ZNF710: variants seen among roughly 807,000 people sequenced by gnomAD.
ZNF710 encodes zinc finger protein 710.
In ZNF710, 13 loss-of-function variants were observed where a neutral mutation model predicts 50.6. The ratio of observed to expected loss-of-function variants is 0.26; its 90% CI spans 0.17 to 0.41. The LOEUF (loss-of-function observed/expected upper bound fraction) is 0.41. Among genes scored for constraint, ZNF710 ranks in the 10% least tolerant of loss-of-function variants. ZNF710 has a pLI of 1.00. For synonymous variants in ZNF710, 383 were observed against 397.0 expected, an observed-to-expected ratio of 0.96 and a Z score of 0.42; for missense variants, 721 against 936.6, an observed-to-expected ratio of 0.77 and a Z score of 3.01.
At chr15:90,038,914 T>C (rs894499749) in intron 1 of ZNF710, among the ~76,000 whole-genome samples, 2 of 152,196 alleles carry the variant, frequency 1.3e-5, no homozygotes, top group African/African-American at 4.8e-5. Flanking sequence ...TCTGTCCCTG[T>C]GTGTGTTGTG....
chr15:90,067,361 C>A lies in ZNF710; in HGVS notation c.224C>A (p.Ala75Asp). The A allele has an allele frequency of 6.3e-7, 1 of 1,598,668 alleles. No homozygotes were observed. Reference sequence around the variant, plus strand: ...TACCAGCTGGCCTGCAACGGGAGGGCCTTGGAGGAGCCGGCGGAGGAGGAG... The same window carrying A: ...TACCAGCTGGCCTGCAACGGGAGGGACTTGGAGGAGCCGGCGGAGGAGGAG... ...DVYQLACNGRALEEPAEEEVL... is the reference protein window; with the variant it reads ...DVYQLACNGRDLEEPAEEEVL... Residue 75 changes from alanine to aspartate, a missense_variant, in exon 2 of 5, where the codon GCC becomes GAC. Around this residue, in one of 3 missense-constraint regions of ZNF710, gnomAD observed 326 missense variants for 347.1 expected, o/e 0.94. Coordinates refer to ENST00000268154, the MANE Select transcript of ZNF710 (RefSeq NM_198526.4). This position sits in a 1 kb window ranked among gnomAD's most constrained non-coding sequence, Gnocchi z 8.1.
chr15:90,044,389 G>C (rs796381663), intron 1 of ZNF710, among the ~76,000 whole-genome samples: 39 of 152,358 alleles, frequency 2.6e-4, no homozygotes, highest in African/African-American at 9.4e-4. Context: ...CCAAGGCGGG[G>C]CTAGGTGGCG....
chr15:90,000,603 G>C (rs1305552661), upstream of ZNF710, among the ~76,000 whole-genome samples: 1 of 152,214 alleles, frequency 6.6e-6, no homozygotes, highest in Non-Finnish European at 1.5e-5. Context: ...GAGTCAGGCC[G>C]TCCAGGGCTC....
chr15:90,067,473 G>C lies in ZNF710; in HGVS notation c.336G>C (p.Glu112Asp). 2 of 1,613,080 alleles carry C rather than the reference G, an allele frequency of 1.2e-6. No homozygotes were observed. The highest frequency in any genetic ancestry group is 1.7e-6 in the Non-Finnish European group (2 of 1,179,536). ...PVRLVPKVKF[E>D]KVEEEEQEVY... The stretch of plus-strand genomic sequence containing the variant: ...GGTTGGTGCCCAAGGTCAAGTTCGA[G>C]AAGGTGGAGGAGGAGGAACAGGAGG... The change falls in exon 2 of 5, where the codon GAG becomes GAC. Residue 112 changes from glutamate (E) to aspartate (D), a missense_variant. By Grantham distance (45) the Glu-to-Asp change is conservative (BLOSUM62 2). Around this residue, in one of 3 missense-constraint regions of ZNF710, gnomAD observed 326 missense variants for 347.1 expected, o/e 0.94. Coordinates refer to ENST00000268154, the MANE Select transcript of ZNF710 (RefSeq NM_198526.4). The surrounding 1 kb of genome is among the most constrained non-coding windows in gnomAD (Gnocchi z 8.1).
chr15:90,058,574 C>T (rs1327750528), intron 1 of ZNF710, among the ~76,000 whole-genome samples: 3 of 152,032 alleles, frequency 2.0e-5, no homozygotes, highest in Non-Finnish European at 4.4e-5. Flanking sequence ...TGCTGGGCCC[C>T]CTCTGTTCCT....
intron 1 of ZNF710, among the ~76,000 whole-genome samples, chr15:90,019,527 T>G (rs1315695924): frequency 6.6e-6 from 1 of 152,214 alleles, no homozygotes; most frequent in Non-Finnish European, 1.5e-5. Context: ...ATATTTGGAT[T>G]CTGTTTAGCC....
intron 1 of ZNF710, among the ~76,000 whole-genome samples, chr15:90,006,337 G>T (rs1898140460): frequency 6.6e-6 from 1 of 151,988 alleles, no homozygotes; most frequent in Non-Finnish European, 1.5e-5. Context: ...GTCCTTTTTG[G>T]CCTTGATACC....
intron 1 of ZNF710, among the ~76,000 whole-genome samples, chr15:90,039,790 G>C (rs1339818895): frequency 6.6e-6 from 1 of 152,110 alleles, no homozygotes; most frequent in Non-Finnish European, 1.5e-5. Context: ...ATCTGCCGTG[G>C]TCTGGGAAAC....
intron 1 of ZNF710, among the ~76,000 whole-genome samples, chr15:90,048,521 G>T (rs912904530): frequency 2.0e-5 from 3 of 152,202 alleles, no homozygotes; most frequent in Non-Finnish European, 4.4e-5. Context: ...TGGTTTCAGG[G>T]GTCGGGGCCA....
In ZNF710 at chr15:90,067,513, G is replaced by A. The variant is rs749482128; in HGVS notation, c.376G>A (p.Val126Met). The change falls in exon 2 of 5, where the codon GTG becomes ATG. Residue 126 changes from valine to methionine, a missense_variant. Physicochemically the swap from Val to Met is conservative, Grantham distance 21. Around this residue, in one of 3 missense-constraint regions of ZNF710, gnomAD observed 326 missense variants for 347.1 expected, o/e 0.94. Coordinates refer to ENST00000268154, the MANE Select transcript of ZNF710 (RefSeq NM_198526.4). This position sits in a 1 kb window ranked among gnomAD's most constrained non-coding sequence, Gnocchi z 8.1. ...GGAACAGGAGGTCTATGAGGTTTCTGTGCCAGGTGACGACAAGGACGCAGG... is the reference window on the plus strand; with the variant it reads ...GGAACAGGAGGTCTATGAGGTTTCTATGCCAGGTGACGACAAGGACGCAGG... ...EEEQEVYEVS[V>M]PGDDKDAGPA... is the part of the protein sequence containing the mutation. 3 of 1,613,646 alleles carry A rather than the reference G, an allele frequency of 1.9e-6. No homozygotes were observed. In the South Asian group the frequency reaches 3.3e-5, roughly 18 times the overall value.
intron 2 of ZNF710, among the ~76,000 whole-genome samples, chr15:90,070,184 G>C (rs1900328372): frequency 6.6e-6 from 1 of 152,158 alleles, no homozygotes; most frequent in Non-Finnish European, 1.5e-5. Context: ...GCTAGTAGCT[G>C]CCTAAAATGT....
At chr15:90,053,869 G>T (rs1899724913) in intron 1 of ZNF710, among the ~76,000 whole-genome samples, 1 of 152,026 alleles carries the variant, frequency 6.6e-6, no homozygotes, top group African/African-American at 2.4e-5. Flanking sequence ...GGTCAATAGA[G>T]AAGCTTCCCT....
At position 90,034,329 on chromosome 15, in the gene ZNF710, G is replaced by T. The variant is rs1899043533; in HGVS notation, c.-29+32715G>T. Reference sequence around the variant, plus strand: ...TACACATGGTCTGCACTCAGGAAAGGGAGGAATTCTTTGTGCTGTTTTGTC... The same window carrying T: ...TACACATGGTCTGCACTCAGGAAAGTGAGGAATTCTTTGTGCTGTTTTGTC... On this transcript the variant is annotated intron_variant, in intron 1 of 4. Transcript: ENST00000268154. The surrounding 1 kb of genome is among the most constrained non-coding windows in gnomAD (Gnocchi z 4.0). 2.0e-5 allele frequency among the ~76,000 whole-genome samples: 3 copies of T among 152,112 alleles called. No individual in the cohort carries two copies. Among genetic ancestry groups the T allele is most frequent in the Admixed American group, 2.0e-4 (3 of 15,264 alleles).
intron 1 of ZNF710, among the ~76,000 whole-genome samples, chr15:90,012,366 C>T (rs1316585030): frequency 7.4e-6 from 1 of 135,624 alleles, no homozygotes; most frequent in African/African-American, 2.8e-5. Context: ...AATCTTGGCT[C>T]ACTGCAAGCT....
chr15:90,079,363 A>G (rs1293260834), intron 4 of ZNF710, among the ~76,000 whole-genome samples: 1 of 152,190 alleles, frequency 6.6e-6, no homozygotes, highest in Non-Finnish European at 1.5e-5. Flanking sequence ...TGACGGGTCA[A>G]TGGAAGAATG....
At chr15:90,041,410 C>G (rs1899290987) in intron 1 of ZNF710, among the ~76,000 whole-genome samples, 1 of 152,122 alleles carries the variant, frequency 6.6e-6, no homozygotes, top group Non-Finnish European at 1.5e-5. Context: ...AGGCTGGTGT[C>G]AAACTCCCAG....
intron 1 of ZNF710, among the ~76,000 whole-genome samples, chr15:90,057,452 T>C (rs1470181355): frequency 6.6e-6 from 1 of 151,818 alleles, no homozygotes; most frequent in Non-Finnish European, 1.5e-5. Flanking sequence ...TCCCAGCACT[T>C]CGGGAGGCCA....
chr15:90,042,951 A>T (rs968681304), intron 1 of ZNF710, among the ~76,000 whole-genome samples: 2 of 152,226 alleles, frequency 1.3e-5, no homozygotes, highest in African/African-American at 4.8e-5. Context: ...CTCGTGAGTG[A>T]CATAGACCCA....
chr15:90,002,347 C>T (rs1898034261), intron 1 of ZNF710: 1 of 115,144 alleles, frequency 8.7e-6, no homozygotes, highest in Non-Finnish European at 1.6e-5. Context: ...CGCCGCGGGC[C>T]GGGGACCCAG....
Sources: gnomAD v4.1 joint callset for allele counts (sites outside exome capture counted in the v4.1 genomes callset) on GRCh38, gnomAD v4.1.1 for gene constraint, gnomAD v4.1.1 regional missense constraint, Gnocchi (gnomAD v3.1) non-coding constraint, MANE v1.5 for transcripts, NCBI Gene and HGNC (gene_info 2026-07-23, HGNC 2026-07-21) for gene names.